The following NRCAM variants were observed in gnomAD, a reference collection of about 807,000 sequenced individuals.
NRCAM encodes the protein neuronal cell adhesion molecule, also known as NgCAM-related cell adhesion molecule.
A neutral mutation model predicts 156.5 loss-of-function variants in NRCAM; 83 were observed. The observed-to-expected ratio is 0.53, with a 90% CI of 0.44 to 0.64. The LOEUF (loss-of-function observed/expected upper bound fraction) is 0.64. Ranked by LOEUF, NRCAM falls within the 30% of genes least tolerant of loss-of-function variation. The pLI, the probability that NRCAM is intolerant of heterozygous loss-of-function variation, is 0.00. For synonymous variants in NRCAM, 538 were observed against 563.9 expected (o/e 0.95, Z 0.65); for missense variants, 1,417 against 1,597.3 (o/e 0.89, Z 1.92).
At chr7:108,310,948 A>G (rs1333689103) in intron 3 of NRCAM, among the ~76,000 whole-genome samples, 3 of 152,168 alleles carry the variant, frequency 2.0e-5, no homozygotes, top group Non-Finnish European at 4.4e-5. Context: ...TTTTCAATCG[A>G]GTACCCTTCA....
intron 1 of NRCAM, among the ~76,000 whole-genome samples, chr7:108,443,369 A>T (rs1344249967): frequency 6.6e-6 from 1 of 152,198 alleles, no homozygotes; most frequent in Admixed American, 6.5e-5. Context: ...TTCACAGTAT[A>T]TTCAAATTAA....
chr7:108,439,832 C>CAAAAAAAAAAAAAAAAA (rs34432715), intron 1 of NRCAM, among the ~76,000 whole-genome samples: 1 of 70,448 alleles, frequency 1.4e-5, no homozygotes, highest in Non-Finnish European at 2.6e-5. Context: ...GACTCCGTCA[C>CAAAAAAAAAAAAAAAAA]AAAAAAAAAA....
At chr7:108,404,366 A>G (rs938052936) in intron 1 of NRCAM, among the ~76,000 whole-genome samples, 5 of 152,210 alleles carry the variant, frequency 3.3e-5, no homozygotes. Context: ...CCTGCTCAAG[A>G]ACAGAGATAG....
chr7:108,209,385 C>T lies in NRCAM; in HGVS notation c.1075+36G>A, dbSNP rs185624486. ...ATTTAATTAAAGTTTCAGGGTCTCT[C>T]ATGAAGGCAAGAAGAATGGATTTTA... On this transcript the variant is annotated intron_variant, in intron 12 of 32. Transcript: ENST00000379028. The T allele has an allele frequency of 3.5e-5, 49 of 1,419,822 alleles. 1 individual carries two copies. In the East Asian group the frequency reaches 1.0e-3, roughly 29 times the overall value. 88.0% of individuals were successfully genotyped at this position (1,419,822 alleles called of 1,614,324 possible).
intron 2 of NRCAM, among the ~76,000 whole-genome samples, chr7:108,318,492 CTTTCT>C: frequency 6.6e-6 from 1 of 152,174 alleles, no homozygotes; most frequent in African/African-American, 2.4e-5. Flanking sequence ...GTTAGATTCC[CTTTCT>C]CAAAGTAATA....
At chr7:108,299,105 C>CAAAAAAAAAAAAAAAAA (rs1292917918) in intron 3 of NRCAM, among the ~76,000 whole-genome samples, 16 of 16,964 alleles carry the variant, frequency 9.4e-4, no homozygotes, top group Non-Finnish European at 1.6e-3. Context: ...GACTCCATCT[C>CAAAAAAAAAAAAAAAAA]AAAAAAAAAA....
chr7:108,306,788 T>C (rs954622008), intron 3 of NRCAM, among the ~76,000 whole-genome samples: 1 of 152,208 alleles, frequency 6.6e-6, no homozygotes, highest in Non-Finnish European at 1.5e-5. Context: ...CTGTCTGGCC[T>C]GAAAGGAGTG....
chr7:108,253,819 C>G (rs1455574164), intron 3 of NRCAM, among the ~76,000 whole-genome samples: 1 of 152,118 alleles, frequency 6.6e-6, no homozygotes, highest in African/African-American at 2.4e-5. Context: ...GGCAAATAGG[C>G]ATGGGGGAGT....
In NRCAM at chr7:108,182,733, G is replaced by T. The variant is rs2064221409; in HGVS notation, c.2492C>A (p.Pro831His). ...ATGTCCCATGACTACAGCTGGCTCG[G>T]GGGCAAACCCCATGTCATTCAGGGC... ...VQALNDMGFA[P>H]EPAVVMGHSG... The change falls in exon 23 of 33, where the codon CCC becomes CAC. Residue 831 changes from proline (P) to histidine (H), a missense_variant. By Grantham distance (77) the Pro-to-His change is moderately conservative. Around this residue, in one of 2 missense-constraint regions of NRCAM, gnomAD observed 1,238 missense variants for 1,336.4 expected, o/e 0.93. Coordinates refer to ENST00000379028, the MANE Select transcript of NRCAM (RefSeq NM_001037132.4). 1.2e-6 allele frequency: 2 copies of T among 1,614,080 alleles called. No individual in the cohort carries two copies. Among genetic ancestry groups the T allele is most frequent in the Non-Finnish European group, 8.5e-7 (1 of 1,180,052 alleles).
intron 11 of NRCAM, among the ~76,000 whole-genome samples, chr7:108,212,468 C>A (rs1384285969): frequency 6.6e-6 from 1 of 152,084 alleles, no homozygotes; most frequent in Non-Finnish European, 1.5e-5. Context: ...CAGAGAAAGG[C>A]AAAGCCCAAT....
chr7:108,380,776 A>G (rs2099697298), intron 2 of NRCAM, among the ~76,000 whole-genome samples: 1 of 152,150 alleles, frequency 6.6e-6, no homozygotes, highest in Admixed American at 6.6e-5. Context: ...GGCTCAAGTG[A>G]TCTTCCTGCC....
intron 2 of NRCAM, among the ~76,000 whole-genome samples, chr7:108,370,617 C>T (rs2099622333): frequency 6.6e-6 from 1 of 152,028 alleles, no homozygotes; most frequent in Admixed American, 6.6e-5. Flanking sequence ...ATATTTAACT[C>T]ATTGGCCCCG....
chr7:108,423,548 A>G (rs994298270), intron 1 of NRCAM, among the ~76,000 whole-genome samples: 1 of 152,240 alleles, frequency 6.6e-6, no homozygotes, highest in Non-Finnish European at 1.5e-5. Context: ...AGCAGTGGGA[A>G]CAGAAAAGGT....
chr7:108,392,044 T>C (rs1345205925), intron 2 of NRCAM, among the ~76,000 whole-genome samples: 1 of 152,202 alleles, frequency 6.6e-6, no homozygotes, highest in African/African-American at 2.4e-5. Context: ...ATCTGACAAT[T>C]ATGTGTCTTG....
chr7:108,338,003 A>T (rs1168242430), intron 2 of NRCAM, among the ~76,000 whole-genome samples: 1 of 152,238 alleles, frequency 6.6e-6, no homozygotes, highest in Non-Finnish European at 1.5e-5. Flanking sequence ...GTGTGAGGCT[A>T]TCTGGGGAAG....
intron 2 of NRCAM, among the ~76,000 whole-genome samples, chr7:108,376,489 G>A (rs1285540252): frequency 1.3e-5 from 2 of 152,154 alleles, no homozygotes; most frequent in Admixed American, 6.6e-5. Context: ...GGCAGGTGTG[G>A]CTGGTACTTG....
chr7:108,453,489 A>G (rs1598657071), intron 1 of NRCAM, among the ~76,000 whole-genome samples: 1 of 152,196 alleles, frequency 6.6e-6, no homozygotes, highest in East Asian at 1.9e-4. Context: ...ATTAACAAAA[A>G]TGATGTGGTG....
At chr7:108,356,944 C>G (rs2099507416) in intron 2 of NRCAM, among the ~76,000 whole-genome samples, 1 of 152,136 alleles carries the variant, frequency 6.6e-6, no homozygotes, top group South Asian at 2.1e-4. Context: ...GAATTAGTGC[C>G]TTCGTAAGAA....
chr7:108,245,991 A>C (rs2095882466), intron 3 of NRCAM, among the ~76,000 whole-genome samples: 1 of 152,220 alleles, frequency 6.6e-6, no homozygotes. Context: ...AGCAACCCTG[A>C]CCAAGGATGG....
Sources: gnomAD v4.1 joint callset for allele counts (sites outside exome capture counted in the v4.1 genomes callset) on GRCh38, gnomAD v4.1.1 for gene constraint, gnomAD v4.1.1 regional missense constraint, MANE v1.5 for transcripts, NCBI Gene and HGNC (gene_info 2026-07-23, HGNC 2026-07-21) for gene names.